COG5: variants seen among roughly 807,000 people sequenced by gnomAD.
COG5 encodes component of oligomeric golgi complex 5, also known as conserved oligomeric Golgi complex subunit 5.
A neutral mutation model predicts 110.4 loss-of-function variants in COG5; 86 were observed. The observed-to-expected ratio is 0.78, with a 90% CI of 0.65 to 0.93. COG5 has a LOEUF of 0.93. Among genes scored for constraint, COG5 ranks in the 40% least tolerant of loss-of-function variants. COG5 has a pLI of 0.00. For synonymous variants in COG5, 360 were observed against 334.6 expected, an observed-to-expected ratio of 1.08 and a Z score of -0.83; for missense variants, 1,077 against 987.0, an observed-to-expected ratio of 1.09 and a Z score of -1.22.
chr7:107,255,908 T>A (rs1802845571), intron 16 of COG5, among the ~76,000 whole-genome samples: 1 of 152,144 alleles, frequency 6.6e-6, no homozygotes. Context: ...TAGACATAAC[T>A]CTTCAGAGTT....
intron 19 of COG5, among the ~76,000 whole-genome samples, chr7:107,215,640 G>C (rs577270764): frequency 2.2e-4 from 34 of 152,218 alleles, no homozygotes; most frequent in African/African-American, 7.9e-4. Flanking sequence ...CTTACAGCCT[G>C]GGTGACAGAG....
chr7:107,491,330 T>A (rs1224303150), intron 6 of COG5, among the ~76,000 whole-genome samples: 1 of 152,072 alleles, frequency 6.6e-6, no homozygotes, highest in Non-Finnish European at 1.5e-5. Context: ...AGTAACTAGA[T>A]CAAGCTGGAG....
chr7:107,324,513 T>C lies in COG5; in HGVS notation c.1035A>G (p.Gln345=). 1 of 1,602,578 alleles carries C rather than the reference T, an allele frequency of 6.2e-7. No individual in the cohort carries two copies. The highest frequency in any genetic ancestry group is 8.5e-7 in the Non-Finnish European group (1 of 1,173,428). ...CFIEEIVKDG[Q]PEIFYTFWNS... ...TCCAAAATGTGTAGAAAATTTCCGG[T>C]TGTCCATCCTGTGAAGAACAAACAA... The change falls in exon 11 of 22, where the codon CAA becomes CAG. Residue 345 remains glutamine (Q), a synonymous_variant. Coordinates refer to ENST00000297135, the MANE Select transcript of COG5 (RefSeq NM_006348.5).
intron 7 of COG5, among the ~76,000 whole-genome samples, chr7:107,380,352 T>C (rs1815007516): frequency 6.6e-6 from 1 of 150,454 alleles, no homozygotes; most frequent in African/African-American, 2.4e-5. Context: ...GAAAAACCCT[T>C]AAAAAAAAAT....
intron 1 of COG5, among the ~76,000 whole-genome samples, chr7:107,562,477 CCTA>C (rs1419068792): frequency 6.6e-6 from 1 of 152,154 alleles, no homozygotes; most frequent in African/African-American, 2.4e-5. Context: ...TATATGCAAT[CCTA>C]CTGCTATCTT....
intron 6 of COG5, among the ~76,000 whole-genome samples, chr7:107,458,243 G>A (rs1795783645): frequency 6.6e-6 from 1 of 152,196 alleles, no homozygotes; most frequent in African/African-American, 2.4e-5. Flanking sequence ...GTCACAGTAA[G>A]TTCTTTAGGC....
At chr7:107,277,141 A>C (rs1305472736) in intron 14 of COG5, among the ~76,000 whole-genome samples, 1 of 152,272 alleles carries the variant, frequency 6.6e-6, no homozygotes, top group Non-Finnish European at 1.5e-5. Context: ...TGCACGTATT[A>C]ACATAGTAAA....
At chr7:107,556,474 G>A (rs2129178408) in intron 2 of COG5, among the ~76,000 whole-genome samples, 1 of 152,286 alleles carries the variant, frequency 6.6e-6, no homozygotes, top group Non-Finnish European at 1.5e-5. Flanking sequence ...GATTCCTGCA[G>A]AGTAGATGCT....
chr7:107,492,946 C>T (rs919888603), intron 6 of COG5, among the ~76,000 whole-genome samples: 2 of 152,146 alleles, frequency 1.3e-5, no homozygotes, highest in African/African-American at 2.4e-5. Context: ...ATGTCATGAT[C>T]TGCTGTAGTC....
chr7:107,220,722 C>T (rs1430616776), intron 19 of COG5, among the ~76,000 whole-genome samples: 2 of 152,078 alleles, frequency 1.3e-5, no homozygotes, highest in South Asian at 2.1e-4. Flanking sequence ...AGAAGTCCCT[C>T]CACCGGGTCA....
intron 18 of COG5, among the ~76,000 whole-genome samples, chr7:107,233,740 G>T (rs897573711): frequency 6.6e-6 from 1 of 152,020 alleles, no homozygotes; most frequent in Non-Finnish European, 1.5e-5. Flanking sequence ...TGAATTGATA[G>T]AACTTTCAGT....
intron 5 of COG5, among the ~76,000 whole-genome samples, chr7:107,538,673 T>C (rs1308753397): frequency 1.3e-5 from 2 of 152,032 alleles, no homozygotes; most frequent in East Asian, 1.9e-4. Context: ...TTGGAAATAG[T>C]TTGGCATTCC....
intron 6 of COG5, among the ~76,000 whole-genome samples, chr7:107,498,588 C>T (rs1262024352): frequency 6.6e-6 from 1 of 151,966 alleles, no homozygotes; most frequent in Non-Finnish European, 1.5e-5. Context: ...CACCTCACAT[C>T]CGTTAGAATG....
At chr7:107,348,781 A>G (rs996590313) in intron 10 of COG5, among the ~76,000 whole-genome samples, 1 of 152,140 alleles carries the variant, frequency 6.6e-6, no homozygotes, top group Admixed American at 6.5e-5. Flanking sequence ...ATGGCTCTGT[A>G]CCACTAAATA....
intron 5 of COG5, among the ~76,000 whole-genome samples, chr7:107,534,466 GAATATTTACCAAGCA>G (rs1391917792): frequency 6.7e-6 from 1 of 149,350 alleles, no homozygotes; most frequent in Non-Finnish European, 1.5e-5. Context: ...AGGGATGGGT[GAATATTTACCAAGCA>G]AATGGAAAGC....
chr7:107,468,705 T>A (rs1349562342), intron 6 of COG5, among the ~76,000 whole-genome samples: 1 of 152,178 alleles, frequency 6.6e-6, no homozygotes, highest in Non-Finnish European at 1.5e-5. Flanking sequence ...AGTGGAAGAT[T>A]ATAAAAATGC....
intron 7 of COG5, among the ~76,000 whole-genome samples, chr7:107,393,516 T>A (rs1013124486): frequency 2.0e-5 from 3 of 152,222 alleles, no homozygotes; most frequent in Admixed American, 1.3e-4. Context: ...ATAAGTAGCA[T>A]AATGCTAACT....
chr7:107,525,243 T>C (rs1478676526), intron 6 of COG5, among the ~76,000 whole-genome samples: 1 of 151,928 alleles, frequency 6.6e-6, no homozygotes, highest in Non-Finnish European at 1.5e-5. Flanking sequence ...TTTTTGTTTT[T>C]TTTTTTCGAA....
intron 6 of COG5, among the ~76,000 whole-genome samples, chr7:107,466,858 A>G (rs1796322548): frequency 6.6e-6 from 1 of 152,264 alleles, no homozygotes; most frequent in Admixed American, 6.5e-5. Flanking sequence ...TTGTTTGTAC[A>G]TAGATACCTT....
Sources: gnomAD v4.1 joint callset for allele counts (sites outside exome capture counted in the v4.1 genomes callset) on GRCh38, gnomAD v4.1.1 for gene constraint, MANE v1.5 for transcripts, NCBI Gene and HGNC (gene_info 2026-07-23, HGNC 2026-07-21) for gene names.